MED13L: variants seen among roughly 807,000 people sequenced by gnomAD.
MED13L encodes mediator of RNA polymerase II transcription subunit 13-like.
In MED13L, 7 loss-of-function variants were observed where a neutral mutation model predicts 220.9. That is an observed-to-expected ratio of 0.03 (90% CI 0.02 to 0.06). MED13L has a LOEUF of 0.06. Ranked by LOEUF, MED13L falls within the 10% of genes least tolerant of loss-of-function variation. MED13L has a pLI of 1.00. For synonymous variants in MED13L, 1,011 were observed against 1,015.2 expected (o/e 1.00, Z 0.08); for missense variants, 1,965 against 2,760.5 (o/e 0.71, Z 6.46).
intron 4 of MED13L, among the ~76,000 whole-genome samples, chr12:116,055,363 C>T (rs1052952954): frequency 6.6e-6 from 1 of 152,074 alleles, no homozygotes; most frequent in Non-Finnish European, 1.5e-5. Context: ...AAGTTCATTG[C>T]AAGTCGGATA....
chr12:115,975,517 G>C lies in MED13L; in HGVS notation c.5586C>G (p.Asn1862Lys). ...CCATAAACATCAAGTCTTCTCACCT[G>C]TTTGGTAAAGCAATATTTACAACGC... is the stretch of plus-strand genomic sequence containing the variant. ...ETCVVNIALP[N>K]RSRRSKVSAR... Residue 1862 changes from asparagine (N) to lysine (K), a missense_variant and splice_region_variant, in exon 24 of 31, where the codon AAC becomes AAG. Physicochemically the swap from Asn to Lys is moderately conservative, Grantham distance 94. Coordinates refer to ENST00000281928, the MANE Select transcript of MED13L (RefSeq NM_015335.5). 6.2e-7 allele frequency: 1 copy of C among 1,613,434 alleles called. No individual in the cohort carries two copies. The highest frequency in any genetic ancestry group is 1.1e-5 in the South Asian group (1 of 91,060).
At chr12:116,276,410 G>C (rs1873838227) in intron 1 of MED13L, 1 of 1,285,866 alleles carries the variant, frequency 7.8e-7, no homozygotes, top group Admixed American at 2.3e-5. Context: ...AGGAGAGAAA[G>C]AAGAAAAAGC....
chr12:116,213,996 G>A (rs1454933218), intron 2 of MED13L, among the ~76,000 whole-genome samples: 4 of 152,028 alleles, frequency 2.6e-5, no homozygotes, highest in Non-Finnish European at 4.4e-5. Flanking sequence ...AAACACACAC[G>A]CACCCCTTGA....
chr12:116,140,447 C>T (rs886467294), intron 2 of MED13L, among the ~76,000 whole-genome samples: 4 of 152,080 alleles, frequency 2.6e-5, no homozygotes, highest in Admixed American at 1.3e-4. Context: ...GCTCTAGTTA[C>T]ACAGTGACAA....
chr12:116,276,962 A>AT lies in MED13L; in HGVS notation c.72+97_72+98insA, dbSNP rs1243282114. On this transcript the variant is annotated intron_variant, in intron 1 of 30. Coordinates refer to ENST00000281928, the MANE Select transcript of MED13L (RefSeq NM_015335.5). Reference sequence around the variant, plus strand: ...GGCGGGGAGACGCGAGGGAGGGGCGAAGTCCCGGCGGCGGGAGGAGAAAGT... The same window carrying AT: ...GGCGGGGAGACGCGAGGGAGGGGCGATAGTCCCGGCGGCGGGAGGAGAAAGT... 1.4e-5 allele frequency: 19 copies of AT among 1,316,064 alleles called. No homozygotes were observed. In the East Asian group the frequency reaches 4.9e-4, roughly 34 times the overall value. 81.5% of individuals were successfully genotyped at this position (1,316,064 alleles called of 1,614,324 possible). A position where few individuals can be genotyped will look rare whatever the true frequency, so the allele number is the denominator to read the frequency against.
chr12:116,240,456 C>T (rs1240444955), intron 1 of MED13L, among the ~76,000 whole-genome samples: 1 of 151,642 alleles, frequency 6.6e-6, no homozygotes, highest in Non-Finnish European at 1.5e-5. Flanking sequence ...GAAACCCTGA[C>T]ATCAATCTAT....
At chr12:116,207,642 A>T (rs1038416106) in intron 2 of MED13L, among the ~76,000 whole-genome samples, 5 of 152,196 alleles carry the variant, frequency 3.3e-5, no homozygotes, top group African/African-American at 1.2e-4. Flanking sequence ...TAAAAAAATT[A>T]TGTTGAGCAT....
intron 2 of MED13L, among the ~76,000 whole-genome samples, chr12:116,156,402 T>TAAA (rs11366103): frequency 8.6e-4 from 103 of 119,406 alleles, no homozygotes; most frequent in East Asian, 1.9e-3. Flanking sequence ...TCCAATTACT[T>TAAA]AAAAAAAAAA....
chr12:115,989,913 G>A (rs966002744), intron 17 of MED13L, among the ~76,000 whole-genome samples: 1 of 152,172 alleles, frequency 6.6e-6, no homozygotes, highest in Admixed American at 6.5e-5. Flanking sequence ...TCCATACCCA[G>A]AATTATAGCC....
At chr12:116,237,091 CA>C (rs1870151287) in intron 2 of MED13L, among the ~76,000 whole-genome samples, 1 of 152,132 alleles carries the variant, frequency 6.6e-6, no homozygotes, top group Non-Finnish European at 1.5e-5. Flanking sequence ...GGCAGTGAAC[CA>C]TAACAACCAC....
chr12:116,249,573 A>G (rs1871338479), intron 1 of MED13L, among the ~76,000 whole-genome samples: 1 of 152,112 alleles, frequency 6.6e-6, no homozygotes, highest in African/African-American at 2.4e-5. Flanking sequence ...CAAGCCAATT[A>G]AAGCAGCTAT....
intron 2 of MED13L, among the ~76,000 whole-genome samples, chr12:116,209,780 A>G (rs1303189981): frequency 6.6e-6 from 1 of 152,206 alleles, no homozygotes. Flanking sequence ...ACTTTCTCAA[A>G]TGATACAGAG....
intron 2 of MED13L, among the ~76,000 whole-genome samples, chr12:116,187,863 T>G (rs1429256695): frequency 6.6e-6 from 1 of 151,854 alleles, no homozygotes; most frequent in African/African-American, 2.4e-5. Flanking sequence ...ACTGCTTTTT[T>G]TCTTTTTCTT....
Position 116,031,301 on chromosome 12 carries a change from C to T in MED13L, c.480-8700G>A, listed in dbSNP as rs530395881. 5.3e-5 allele frequency among the ~76,000 whole-genome samples: 8 copies of T among 152,016 alleles called. No individual in the cohort carries two copies. In the South Asian group the frequency reaches 1.5e-3, roughly 28 times the overall value. On this transcript the variant is annotated intron_variant, in intron 4 of 30. Coordinates refer to ENST00000281928, the MANE Select transcript of MED13L (RefSeq NM_015335.5). ...GGTGGTATAAAAATTAGAAAGGGGC[C>T]GGGTGCAGTGGCTCATGCCTGTAAT...
At chr12:116,271,656 A>T (rs1453372480) in intron 1 of MED13L, among the ~76,000 whole-genome samples, 3 of 152,146 alleles carry the variant, frequency 2.0e-5, no homozygotes, top group African/African-American at 7.2e-5. Flanking sequence ...CGTTATGACA[A>T]AACAGAAATT....
At position 115,966,019 on chromosome 12, in the gene MED13L, A is replaced by C. The variant is rs939249084; in HGVS notation, c.6387+63T>G. ...GTGACTAAAACTGAAATTTCTAACC[A>C]AAATTAAATTTAAGCGTAAATCACT... is the stretch of plus-strand genomic sequence containing the variant. On this transcript the variant is annotated intron_variant, in intron 29 of 30. Coordinates refer to ENST00000281928, the MANE Select transcript of MED13L (RefSeq NM_015335.5). 1.5e-5 allele frequency: 23 copies of C among 1,583,444 alleles called. No individual in the cohort carries two copies. The South Asian group carries it at 2.5e-4, about 18-fold the overall frequency.
At chr12:115,996,144 G>A (rs1878388627) in intron 16 of MED13L, among the ~76,000 whole-genome samples, 1 of 151,526 alleles carries the variant, frequency 6.6e-6, no homozygotes, top group Non-Finnish European at 1.5e-5. Flanking sequence ...AGGCTGGAGG[G>A]CAGTGGCGCG....
chr12:116,242,680 C>T (rs545751304), intron 1 of MED13L, among the ~76,000 whole-genome samples: 1 of 152,176 alleles, frequency 6.6e-6, no homozygotes, highest in East Asian at 1.9e-4. Context: ...TTTCTAATAC[C>T]GAGCACCATA....
Position 116,102,411 on chromosome 12 carries a change from G to A in MED13L, c.396-5659C>T, listed in dbSNP as rs1022159130. On this transcript the variant is annotated intron_variant, in intron 3 of 30. Coordinates refer to ENST00000281928, the MANE Select transcript of MED13L (RefSeq NM_015335.5). Reference sequence around the variant, plus strand: ...GCCCTTCAAATTATTTAAGTATGACGGTTTTCATAGGTTTCCCTACCATAA... The same window carrying A: ...GCCCTTCAAATTATTTAAGTATGACAGTTTTCATAGGTTTCCCTACCATAA... Among the ~76,000 whole-genome samples, 13 of 152,162 alleles carry A rather than the reference G, an allele frequency of 8.5e-5. No homozygotes were observed. In the South Asian group the frequency reaches 2.3e-3, roughly 27 times the overall value.
Sources: allele counts gnomAD v4.1 joint callset (sites outside exome capture counted in the v4.1 genomes callset), GRCh38; gene constraint gnomAD v4.1.1; transcripts MANE v1.5; gene names NCBI Gene and HGNC (gene_info 2026-07-23, HGNC 2026-07-21).